The following LAMA2 variants were observed in gnomAD, a reference collection of about 807,000 sequenced individuals.
LAMA2 encodes laminin subunit alpha 2.
Under a neutral mutation model 364.8 loss-of-function variants are expected in LAMA2, and 269 were observed. The observed-to-expected ratio is 0.74, with a 90% CI of 0.67 to 0.82. The LOEUF (loss-of-function observed/expected upper bound fraction) is 0.82. LAMA2 is among the 40% of genes least tolerant of loss of function. The pLI is 0.00. For synonymous variants in LAMA2, 1,379 were observed against 1,370.6 expected (o/e 1.01, Z -0.14); for missense variants, 3,807 against 3,873.2 (o/e 0.98, Z 0.45).
chr6:129,486,996 C>T (rs936826352), intron 56 of LAMA2, among the ~76,000 whole-genome samples: 6 of 152,196 alleles, frequency 3.9e-5, no homozygotes, highest in African/African-American at 7.2e-5. Context: ...CAGGCTTTGG[C>T]GGTTTCTATC....
chr6:129,172,466 T>C (rs1223295668), intron 9 of LAMA2, among the ~76,000 whole-genome samples: 1 of 152,056 alleles, frequency 6.6e-6, no homozygotes, highest in Non-Finnish European at 1.5e-5. Flanking sequence ...TGCTGGGGGG[T>C]GCCTCCCAGT....
chr6:129,482,506 A>G (rs1784395923), intron 55 of LAMA2, among the ~76,000 whole-genome samples: 1 of 152,220 alleles, frequency 6.6e-6, no homozygotes, highest in East Asian at 1.9e-4. Flanking sequence ...TGCCATGACC[A>G]AAAGAACACA....
chr6:129,064,180 A>G (rs1035025468), intron 3 of LAMA2, among the ~76,000 whole-genome samples: 1 of 152,078 alleles, frequency 6.6e-6, no homozygotes, highest in African/African-American at 2.4e-5. Context: ...CCAAACAACC[A>G]ATGGATAAAG....
At chr6:129,340,774 T>G (rs1435252419) in intron 29 of LAMA2, among the ~76,000 whole-genome samples, 1 of 143,294 alleles carries the variant, frequency 7.0e-6, no homozygotes, top group Non-Finnish European at 1.5e-5. Flanking sequence ...AGGCAGAGGT[T>G]GCAGTGAGCC....
Position 129,502,550 on chromosome 6 carries a change from T to G in LAMA2, c.8245-109T>G, listed in dbSNP as rs1293743836. On this transcript the variant is annotated intron_variant, in intron 58 of 64. Transcript: ENST00000421865. ...GACTACAGAGATGAATAATGTAGTT[T>G]TTATTCTTAAAGAATTACGCTAATA... 3 of 769,090 alleles carry G rather than the reference T, an allele frequency of 3.9e-6. No homozygotes were observed. The African/African-American group carries it at 5.1e-5, about 13-fold the overall frequency. The allele number at this position is 769,090 out of a possible 1,614,324, so 47.6% of individuals were successfully genotyped here.
chr6:129,337,527 A>C (rs1006666660), intron 29 of LAMA2, among the ~76,000 whole-genome samples: 1 of 152,224 alleles, frequency 6.6e-6, no homozygotes, highest in East Asian at 1.9e-4. Context: ...GTAAGGAAAA[A>C]CTTCACAGCT....
intron 1 of LAMA2, among the ~76,000 whole-genome samples, chr6:129,015,064 T>A (rs185553569): frequency 6.6e-6 from 1 of 152,152 alleles, no homozygotes; most frequent in Admixed American, 6.5e-5. Context: ...AGAATAACTT[T>A]GTCTGAAATT....
In LAMA2 at chr6:129,270,778, A is replaced by C. The variant is rs751934873; in HGVS notation, c.2450+27A>C. ...TAAGTAACAAACTTACCCCATGAATAAGCTCAGCATCCATTTCTGCAAGTA... is the reference window on the plus strand; with the variant it reads ...TAAGTAACAAACTTACCCCATGAATCAGCTCAGCATCCATTTCTGCAAGTA... On this transcript the variant is annotated intron_variant, in intron 17 of 64. Coordinates refer to ENST00000421865, the MANE Select transcript of LAMA2 (RefSeq NM_000426.4). 5 of 1,610,236 alleles carry C rather than the reference A, an allele frequency of 3.1e-6. No individual in the cohort carries two copies. The Admixed American group carries it at 8.4e-5, about 27-fold the overall frequency.
rs1457198039 is a variant in LAMA2 at position 129,026,606 on chromosome 6, A to G, written c.113-23312A>G. Among the ~76,000 whole-genome samples, 5 of 152,292 alleles carry G rather than the reference A, an allele frequency of 3.3e-5. No individual in the cohort carries two copies. In the East Asian group the frequency reaches 7.7e-4, roughly 23 times the overall value. ...TTCTATTTCCCAAATAACTTCATTC[A>G]TGTAAGAAGTATATTTCATGTGAGT... On this transcript the variant is annotated intron_variant, in intron 1 of 64. Coordinates refer to ENST00000421865, the MANE Select transcript of LAMA2 (RefSeq NM_000426.4).
chr6:129,251,793 G>T lies in LAMA2; in HGVS notation c.1885-291G>T, dbSNP rs368497582. Reference sequence around the variant, plus strand: ...TTCTACAAATGCAAAAAATTAGCCAGGCTTGGTGGCAGGCGCCTGTAATCT... The same window carrying T: ...TTCTACAAATGCAAAAAATTAGCCATGCTTGGTGGCAGGCGCCTGTAATCT... On this transcript the variant is annotated intron_variant, in intron 13 of 64. Transcript: ENST00000421865. 1.8e-4 allele frequency among the ~76,000 whole-genome samples: 27 copies of T among 152,194 alleles called. 1 individual carries two copies. The East Asian group carries it at 4.2e-3, about 24-fold the overall frequency.
At chr6:128,897,871 C>T (rs1361013055) in intron 1 of LAMA2, among the ~76,000 whole-genome samples, 2 of 152,144 alleles carry the variant, frequency 1.3e-5, no homozygotes, top group African/African-American at 2.4e-5. Context: ...GCTATGACTG[C>T]ATCAGAAGTC....
At chr6:129,207,887 CAG>C (rs1385494684) in intron 12 of LAMA2, among the ~76,000 whole-genome samples, 1 of 152,046 alleles carries the variant, frequency 6.6e-6, no homozygotes, top group Non-Finnish European at 1.5e-5. Flanking sequence ...AGGTGAGGGT[CAG>C]GGGAAGATAT....
intron 29 of LAMA2, among the ~76,000 whole-genome samples, chr6:129,332,647 G>T (rs1018747843): frequency 6.6e-6 from 1 of 151,984 alleles, no homozygotes; most frequent in Non-Finnish European, 1.5e-5. Flanking sequence ...CTGTTTTAAG[G>T]TTGTCTATAT....
At chr6:129,053,075 T>C (rs1788200596) in intron 2 of LAMA2, among the ~76,000 whole-genome samples, 6 of 152,158 alleles carry the variant, frequency 3.9e-5, no homozygotes, top group African/African-American at 1.4e-4. Flanking sequence ...TTTTTTGTTT[T>C]GTTTTGTTTT....
Position 129,403,822 on chromosome 6 carries a change from A to G in LAMA2, c.5728A>G (p.Ile1910Val). 1 of 1,613,278 alleles carries G rather than the reference A, an allele frequency of 6.2e-7. No individual in the cohort carries two copies. ...LNDSSAVLDG[I>V]LDEAKNISFN... ...TCCTTTTTTGAATCATCCCACCAGAATCCTTGATGAGGCTAAAAACATCTC... is the reference window on the plus strand; with the variant it reads ...TCCTTTTTTGAATCATCCCACCAGAGTCCTTGATGAGGCTAAAAACATCTC... Residue 1910 changes from isoleucine to valine, a missense_variant and splice_region_variant, in exon 40 of 65, where the codon ATC (isoleucine) becomes GTC (valine). Coordinates refer to ENST00000421865, the MANE Select transcript of LAMA2 (RefSeq NM_000426.4).
At chr6:129,253,719 A>G (rs1786427394) in intron 14 of LAMA2, among the ~76,000 whole-genome samples, 1 of 152,202 alleles carries the variant, frequency 6.6e-6, no homozygotes, top group African/African-American at 2.4e-5. Flanking sequence ...TTTTGTCAGC[A>G]TTGCTTTTCA....
intron 9 of LAMA2, among the ~76,000 whole-genome samples, chr6:129,168,691 A>G (rs1442608876): frequency 2.1e-5 from 3 of 143,160 alleles, no homozygotes; most frequent in African/African-American, 5.3e-5. Context: ...GTTTTTTCCA[A>G]TTCTGTGAAG....
intron 37 of LAMA2, among the ~76,000 whole-genome samples, chr6:129,399,154 G>A (rs894440158): frequency 2.0e-5 from 3 of 151,974 alleles, no homozygotes; most frequent in African/African-American, 7.3e-5. Context: ...TAATCAAGAC[G>A]AATCAATCTA....
At chr6:128,950,916 A>G (rs891088256) in intron 1 of LAMA2, among the ~76,000 whole-genome samples, 14 of 152,140 alleles carry the variant, frequency 9.2e-5, no homozygotes, top group African/African-American at 2.9e-4. Flanking sequence ...ATTAACTATT[A>G]TTATTTGGTT....
Sources: allele counts gnomAD v4.1 joint callset (sites outside exome capture counted in the v4.1 genomes callset), GRCh38; gene constraint gnomAD v4.1.1; transcripts MANE v1.5; gene names NCBI Gene and HGNC (gene_info 2026-07-23, HGNC 2026-07-21).